Variants in PRDM6 observed in about 807,000 individuals in gnomAD.
PRDM6 encodes putative histone-lysine N-methyltransferase PRDM6.
A neutral mutation model predicts 60.8 loss-of-function variants in PRDM6; 25 were observed. That is an observed-to-expected ratio of 0.41 (90% CI 0.30 to 0.57). The LOEUF is 0.57. PRDM6 is among the 20% of genes least tolerant of loss of function. PRDM6 has a pLI of 0.27. For missense variants in PRDM6, 839 were observed against 821.3 expected, an observed-to-expected ratio of 1.02 and a Z score of -0.26; for synonymous variants, 407 against 357.4, an observed-to-expected ratio of 1.14 and a Z score of -1.57.
intron 3 of PRDM6, among the ~76,000 whole-genome samples, chr5:123,127,078 C>A (rs1764709554): frequency 1.3e-5 from 2 of 151,606 alleles, no homozygotes; most frequent in Admixed American, 6.6e-5. Flanking sequence ...TTCTCTGTTG[C>A]CCAGGCTGGA....
chr5:123,113,348 C>A (rs1218831765), intron 3 of PRDM6, among the ~76,000 whole-genome samples: 1 of 152,198 alleles, frequency 6.6e-6, no homozygotes, highest in Non-Finnish European at 1.5e-5. Flanking sequence ...TTTAAAAATT[C>A]TCTTTATCTG....
chr5:123,104,473 C>G (rs1460602289), intron 3 of PRDM6, among the ~76,000 whole-genome samples: 1 of 151,932 alleles, frequency 6.6e-6, no homozygotes, highest in Non-Finnish European at 1.5e-5. Flanking sequence ...CCATATTCTG[C>G]TTTATAGACT....
chr5:123,190,616 C>T lies in PRDM6; in HGVS notation c.*3415C>T, dbSNP rs1766413331. 1 of 152,014 alleles carries T rather than the reference C, an allele frequency of 6.6e-6. No individual in the cohort carries two copies. Among genetic ancestry groups the T allele is most frequent in the South Asian group, 2.1e-4 (1 of 4,814 alleles). 9.4% of individuals were successfully genotyped at this position (152,014 alleles called of 1,614,324 possible). ...GAAAAGATCATGACATCATTGTGTC[C>T]TCATAGGGCTCATAATTGAATTTTA... On this transcript the variant is annotated 3_prime_UTR_variant, in exon 8 of 8. Transcript: ENST00000407847.
chr5:123,169,393 A>G (rs191394114), intron 5 of PRDM6, among the ~76,000 whole-genome samples: 1 of 152,158 alleles, frequency 6.6e-6, no homozygotes, highest in East Asian at 1.9e-4. Flanking sequence ...TTCTCTCCCC[A>G]CTTCCACTGC....
intron 3 of PRDM6, among the ~76,000 whole-genome samples, chr5:123,140,346 G>A (rs2126859907): frequency 6.6e-6 from 1 of 151,542 alleles, no homozygotes; most frequent in Middle Eastern, 3.5e-3. Flanking sequence ...AAAATGATCT[G>A]GTTATTGCCA....
chr5:123,173,850 A>C (rs1203356446), intron 6 of PRDM6, among the ~76,000 whole-genome samples: 1 of 152,168 alleles, frequency 6.6e-6, no homozygotes, highest in East Asian at 1.9e-4. Flanking sequence ...GGAACCCAGT[A>C]TGCTCTGTTT....
intron 3 of PRDM6, among the ~76,000 whole-genome samples, chr5:123,141,380 A>T (rs181191117): frequency 1.2e-3 from 184 of 152,210 alleles, no homozygotes; most frequent in African/African-American, 4.1e-3. Flanking sequence ...AAGCAATTGT[A>T]TAGGAATTTT....
At position 123,090,007 on chromosome 5, in the gene PRDM6, C is replaced by G; in HGVS notation, c.-8C>G. On this transcript the variant is annotated 5_prime_UTR_variant, in exon 2 of 8. Coordinates refer to ENST00000407847, the MANE Select transcript of PRDM6 (RefSeq NM_001136239.4). ...CCTGCCCTCTGCCCCCAGTTCGAGG[C>G]GCCGGACATGCTGAAGCCCGGAGAC... 1.3e-6 allele frequency: 2 copies of G among 1,544,374 alleles called. No homozygotes were observed. Among genetic ancestry groups the G allele is most frequent in the Non-Finnish European group, 1.7e-6 (2 of 1,143,816 alleles).
chr5:123,090,176 G>GCCGCCCCCGCCC lies in PRDM6; in HGVS notation c.166_177dup (p.Pro56_Pro59dup), dbSNP rs762872468. 5.4e-6 allele frequency: 8 copies of GCCGCCCCCGCCC among 1,487,606 alleles called. No individual in the cohort carries two copies. The South Asian group carries it at 9.1e-5, about 17-fold the overall frequency. 92.2% of individuals were successfully genotyped at this position (1,487,606 alleles called of 1,614,324 possible). On this transcript the variant is annotated inframe_insertion, in exon 2 of 8. Coordinates refer to ENST00000407847, the MANE Select transcript of PRDM6 (RefSeq NM_001136239.4). Reference sequence around the variant, plus strand: ...CGCCGCAGCCTCTTCAGCCGCCGCCGCCGCCCCCGCCCCCGGAGCGCGCTG... The same window carrying GCCGCCCCCGCCC: ...CGCCGCAGCCTCTTCAGCCGCCGCCGCCGCCCCCGCCCCCGCCCCCGCCCCCGGAGCGCGCTG...
intron 3 of PRDM6, among the ~76,000 whole-genome samples, chr5:123,122,164 C>CAA (rs138619125): frequency 0.81 from 80,154 of 99,022 alleles, 32,659 homozygotes; most frequent in South Asian, 0.94. Flanking sequence ...CTCCATCTGA[C>CAA]AAAAAAAAAA....
intron 3 of PRDM6, among the ~76,000 whole-genome samples, chr5:123,154,028 G>A (rs906838966): frequency 1.3e-5 from 2 of 152,104 alleles, no homozygotes; most frequent in Non-Finnish European, 2.9e-5. Flanking sequence ...GGAACCAAAT[G>A]GCTTTGGTCA....
chr5:123,153,935 A>C (rs1765434587), intron 3 of PRDM6, among the ~76,000 whole-genome samples: 1 of 152,154 alleles, frequency 6.6e-6, no homozygotes, highest in Non-Finnish European at 1.5e-5. Flanking sequence ...TCCCTGTGGA[A>C]GGTTTATTCT....
At chr5:123,142,055 A>G (rs989237098) in intron 3 of PRDM6, among the ~76,000 whole-genome samples, 4 of 152,132 alleles carry the variant, frequency 2.6e-5, no homozygotes, top group Non-Finnish European at 4.4e-5. Flanking sequence ...TCTTGACTCA[A>G]CGGCTCGGAA....
At chr5:123,119,871 A>G (rs1053078027) in intron 3 of PRDM6, among the ~76,000 whole-genome samples, 1 of 152,214 alleles carries the variant, frequency 6.6e-6, no homozygotes, top group South Asian at 2.1e-4. Flanking sequence ...ATGAAAATAC[A>G]TGAGTGGTTA....
At chr5:123,139,665 C>A (rs994546725) in intron 3 of PRDM6, among the ~76,000 whole-genome samples, 8 of 152,074 alleles carry the variant, frequency 5.3e-5, no homozygotes, top group Non-Finnish European at 1.5e-5. Flanking sequence ...CTGTGCTGGA[C>A]CCTGGTGACT....
intron 3 of PRDM6, among the ~76,000 whole-genome samples, chr5:123,133,442 G>GA (rs34617441): frequency 2.0e-5 from 3 of 151,444 alleles, no homozygotes; most frequent in East Asian, 3.9e-4. Flanking sequence ...ACACATTCCT[G>GA]AAAAAAAAGA....
chr5:123,156,238 C>T (rs375834371), intron 4 of PRDM6, among the ~76,000 whole-genome samples: 12 of 152,186 alleles, frequency 7.9e-5, no homozygotes, highest in Admixed American at 2.6e-4. Context: ...TCCTTCACTC[C>T]GTGCACATGG....
At chr5:123,142,145 T>C (rs570367888) in intron 3 of PRDM6, among the ~76,000 whole-genome samples, 10 of 152,306 alleles carry the variant, frequency 6.6e-5, no homozygotes, top group African/African-American at 1.7e-4. Flanking sequence ...TTACTGGGTA[T>C]TGAAATTTTT....
chr5:123,090,618 C>G lies in PRDM6; in HGVS notation c.592+12C>G, dbSNP rs1277402684. 1 of 1,514,778 alleles carries G rather than the reference C, an allele frequency of 6.6e-7. No individual in the cohort carries two copies. Among genetic ancestry groups the G allele is most frequent in the Admixed American group, 2.0e-5 (1 of 49,126 alleles). The allele number at this position is 1,514,778 out of a possible 1,614,324, so 93.8% of individuals were successfully genotyped here. On this transcript the variant is annotated intron_variant, in intron 2 of 7. Transcript: ENST00000407847. ...CGACCCCAACAACCGTACGTAGCCGCAGCCCGCGCGCTCTCTCCCGGGGCG... is the reference window on the plus strand; with the variant it reads ...CGACCCCAACAACCGTACGTAGCCGGAGCCCGCGCGCTCTCTCCCGGGGCG...
Sources: allele counts gnomAD v4.1 joint callset (sites outside exome capture counted in the v4.1 genomes callset), GRCh38; gene constraint gnomAD v4.1.1; transcripts MANE v1.5; gene names NCBI Gene and HGNC (gene_info 2026-07-23, HGNC 2026-07-21).